The following RBPMS2 variants were observed in gnomAD, a reference collection of about 807,000 sequenced individuals.
RBPMS2 encodes RNA binding protein, mRNA processing factor 2.
Under a neutral mutation model 25.7 loss-of-function variants are expected in RBPMS2, and 14 were observed. The ratio of observed to expected loss-of-function variants is 0.55; its 90% CI spans 0.36 to 0.85. The LOEUF is 0.85. Ranked by LOEUF, RBPMS2 falls within the 40% of genes least tolerant of loss-of-function variation. The pLI, the probability that RBPMS2 is intolerant of heterozygous loss-of-function variation, is 0.01. For missense variants in RBPMS2, 252 were observed against 283.4 expected (o/e 0.89, Z 0.80); for synonymous variants, 127 against 115.6 (o/e 1.10, Z -0.63).
At position 64,748,482 on chromosome 15, in the gene RBPMS2, G is replaced by A. The variant is rs764217761; in HGVS notation, c.504C>T (p.Ala168=). Residue 168 remains alanine (A), a synonymous_variant, in exon 6 of 8, where the codon GCC becomes GCT. Coordinates refer to ENST00000300069, the MANE Select transcript of RBPMS2 (RefSeq NM_194272.3). ...YPLYTTELTP[A]ISHAAFTYPT... is the part of the protein sequence containing the mutation. ...GGTAGGTGAACGCAGCATGGGAGAT[G>A]GCTGGGGTCAGCTCTGTGGTGTACA... 1.2e-6 allele frequency: 2 copies of A among 1,614,064 alleles called. No homozygotes were observed. The highest frequency in any genetic ancestry group is 1.7e-6 in the Non-Finnish European group (2 of 1,179,986).
At chr15:64,761,052 C>T (rs1595792131) in intron 1 of RBPMS2, 1 of 148,810 alleles carries the variant, frequency 6.7e-6, no homozygotes, top group African/African-American at 2.5e-5. Flanking sequence ...AAAAAAAAGA[C>T]TTTTGCAGCA....
chr15:64,754,399 G>A (rs1208678635), intron 1 of RBPMS2, among the ~76,000 whole-genome samples: 3 of 152,084 alleles, frequency 2.0e-5, no homozygotes, highest in Non-Finnish European at 4.4e-5. Context: ...ATCACTTGAG[G>A]TTGGGAGTTC....
chr15:64,760,703 A>G (rs1259870569), intron 1 of RBPMS2, among the ~76,000 whole-genome samples: 3 of 152,028 alleles, frequency 2.0e-5, no homozygotes, highest in Non-Finnish European at 4.4e-5. Flanking sequence ...CGGGAGGCTG[A>G]GGCTGGAGAA....
At position 64,751,646 on chromosome 15, in the gene RBPMS2, C is replaced by T; in HGVS notation, c.88-8G>A. The T allele has an allele frequency of 6.2e-7, 1 of 1,613,356 alleles. No homozygotes were observed. The highest frequency in any genetic ancestry group is 8.5e-7 in the Non-Finnish European group (1 of 1,179,454). On this transcript the variant is annotated splice_polypyrimidine_tract_variant and splice_region_variant and intron_variant, in intron 1 of 7. Coordinates refer to ENST00000300069, the MANE Select transcript of RBPMS2 (RefSeq NM_194272.3). ...GACAAACAGTGTCCGGACCTGGAGA[C>T]AGAGACCAGTGATCAGGGCCAGGCT... is the stretch of plus-strand genomic sequence containing the variant.
chr15:64,750,524 G>A (rs1291183255), intron 2 of RBPMS2, 143 bp from the exon 3 acceptor site: 4 of 748,544 alleles, frequency 5.3e-6, no homozygotes, highest in East Asian at 2.5e-5. Context: ...CCTGACCTCC[G>A]CCACTGCCAA....
chr15:64,756,407 TGGCA>T (rs2083731521), intron 1 of RBPMS2, among the ~76,000 whole-genome samples: 1 of 151,698 alleles, frequency 6.6e-6, no homozygotes, highest in Admixed American at 6.6e-5. Context: ...CCCAGCTACT[TGGCA>T]GGCTGAGGCA....
chr15:64,775,000 C>G lies in RBPMS2; in HGVS notation c.87+233G>C, dbSNP rs1034749190. ...CCGGACGGCGGCCGGCGCGCGCGGC[C>G]CGCCTCGAGCCCGAGAGGGCGGGGA... On this transcript the variant is annotated intron_variant, in intron 1 of 7. Coordinates refer to ENST00000300069, the MANE Select transcript of RBPMS2 (RefSeq NM_194272.3). Among the ~76,000 whole-genome samples the G allele has an allele frequency of 6.6e-5, 10 of 150,748 alleles. No homozygotes were observed. The East Asian group carries it at 1.8e-3, about 27-fold the overall frequency.
In RBPMS2 at chr15:64,749,565, A is replaced by C. The variant is rs889436551; in HGVS notation, c.205-72T>G. The stretch of plus-strand genomic sequence containing the variant: ...ACCTCTCCCTCCAAAATAACAACAA[A>C]AAAAGAGTATCATCTATGTGGAAAC... On this transcript the variant is annotated intron_variant, in intron 3 of 7. Transcript: ENST00000300069. 7 of 1,303,784 alleles carry C rather than the reference A, an allele frequency of 5.4e-6. No homozygotes were observed. The African/African-American group carries it at 1.0e-4, about 19-fold the overall frequency. The allele number at this position is 1,303,784 out of a possible 1,614,324, so 80.8% of individuals were successfully genotyped here.
At chr15:64,768,090 T>C (rs999527586) in intron 1 of RBPMS2, among the ~76,000 whole-genome samples, 2 of 152,342 alleles carry the variant, frequency 1.3e-5, no homozygotes, top group Admixed American at 1.3e-4. Flanking sequence ...ATCAGCCAAA[T>C]GGCTCTTTAG....
chr15:64,752,399 C>T (rs938007728), intron 1 of RBPMS2, among the ~76,000 whole-genome samples: 2 of 151,876 alleles, frequency 1.3e-5, no homozygotes, highest in East Asian at 1.9e-4. Flanking sequence ...ACAGAGGGCC[C>T]GGCACTTTCT....
chr15:64,756,630 T>C (rs1199148292), intron 1 of RBPMS2, among the ~76,000 whole-genome samples: 3 of 151,682 alleles, frequency 2.0e-5, no homozygotes, highest in Non-Finnish European at 2.9e-5. Context: ...GTTTCTTATT[T>C]TTATTTATTT....
rs142736153 is a variant in RBPMS2 at position 64,740,771 on chromosome 15, G to A, written c.*237C>T. On this transcript the variant is annotated 3_prime_UTR_variant, in exon 8 of 8. Transcript: ENST00000300069. ...CCGAGCTGGATCTGGGCGCCCCAGG[G>A]AGAAAGTCCCCAAATCCTCCTGGGA... 2.5e-3 allele frequency: 395 copies of A among 159,524 alleles called. 3 individuals are homozygous for A. Among genetic ancestry groups the A allele is most frequent in the Admixed American group, 2.2e-3 (36 of 16,352 alleles). 9.9% of individuals were successfully genotyped at this position (159,524 alleles called of 1,614,324 possible). A position where few individuals can be genotyped will look rare whatever the true frequency, so the allele number is the denominator to read the frequency against.
At chr15:64,741,897 G>A (rs983971598) in intron 6 of RBPMS2, among the ~76,000 whole-genome samples, 3 of 152,140 alleles carry the variant, frequency 2.0e-5, no homozygotes, top group African/African-American at 4.8e-5. Context: ...CGGGCGCAGC[G>A]GCTCACGCCT....
intron 1 of RBPMS2, among the ~76,000 whole-genome samples, chr15:64,769,781 C>G (rs556584990): frequency 6.6e-6 from 1 of 152,218 alleles, no homozygotes; most frequent in East Asian, 1.9e-4. Flanking sequence ...GCTGACAGCT[C>G]CCATCACCCA....
At chr15:64,762,601 A>C (rs1277093606) in intron 1 of RBPMS2, 1 of 477,266 alleles carries the variant, frequency 2.1e-6, no homozygotes, top group Non-Finnish European at 4.2e-6. Context: ...CGAGATTCCA[A>C]ACAAAAGACA....
intron 1 of RBPMS2, among the ~76,000 whole-genome samples, chr15:64,764,975 C>A (rs919974265): frequency 1.3e-5 from 2 of 150,596 alleles, no homozygotes; most frequent in Non-Finnish European, 3.0e-5. Flanking sequence ...GCCTGTAATC[C>A]CAGCACTTTG....
In RBPMS2 at chr15:64,775,384, T is replaced by C; in HGVS notation, c.-65A>G. ...AGCGCGGCGCCGGCCCCGCGGGAAG[T>C]GGGAAGGGGCGCGGGGAGCGGTGCG... is the stretch of plus-strand genomic sequence containing the variant. On this transcript the variant is annotated 5_prime_UTR_variant, in exon 1 of 8. Transcript: ENST00000300069. 1 of 950,712 alleles carries C rather than the reference T, an allele frequency of 1.1e-6. No individual in the cohort carries two copies. Among genetic ancestry groups the C allele is most frequent in the Non-Finnish European group, 1.3e-6 (1 of 744,388 alleles). 58.9% of individuals were successfully genotyped at this position (950,712 alleles called of 1,614,324 possible).
At chr15:64,758,564 G>T (rs2083754374) in intron 1 of RBPMS2, among the ~76,000 whole-genome samples, 1 of 152,240 alleles carries the variant, frequency 6.6e-6, no homozygotes, top group Admixed American at 6.5e-5. Flanking sequence ...TGGCTGTGTG[G>T]CTCTCATGAC....
chr15:64,763,091 G>C (rs2083807064), intron 1 of RBPMS2, among the ~76,000 whole-genome samples: 1 of 152,008 alleles, frequency 6.6e-6, no homozygotes, highest in African/African-American at 2.4e-5. Flanking sequence ...GGGGGATTGG[G>C]TCCTGCCTGG....
Sources: gnomAD v4.1 joint callset for allele counts (sites outside exome capture counted in the v4.1 genomes callset) on GRCh38, gnomAD v4.1.1 for gene constraint, MANE v1.5 for transcripts, NCBI Gene and HGNC (gene_info 2026-07-23, HGNC 2026-07-21) for gene names.